The following EML6 variants were observed in gnomAD, a reference collection of about 807,000 sequenced individuals.
The protein encoded by EML6 is EMAP like 6, also known as echinoderm microtubule-associated protein-like 6.
In EML6, 154 loss-of-function variants were observed where a neutral mutation model predicts 240.1. The ratio of observed to expected loss-of-function variants is 0.64; its 90% CI spans 0.56 to 0.73. EML6 has a LOEUF of 0.73. Ranked by LOEUF, EML6 falls within the 30% of genes least tolerant of loss-of-function variation. EML6 has a pLI of 0.00. For missense variants in EML6, 2,964 were observed against 2,474.6 expected (o/e 1.20, Z -4.20); for synonymous variants, 1,148 against 899.0 (o/e 1.28, Z -4.95).
chr2:54,960,209 A>C lies in EML6; in HGVS notation c.4854-11A>C. The C allele has an allele frequency of 6.5e-7, 1 of 1,543,226 alleles. No individual in the cohort carries two copies. The highest frequency in any genetic ancestry group is 8.8e-7 in the Non-Finnish European group (1 of 1,139,488). ...GGGTTAACAGCCTGAGTCCCTTTCA[A>C]TCTTTTTTAGGACCAAAGAAGGAGG... On this transcript the variant is annotated splice_polypyrimidine_tract_variant and intron_variant, in intron 34 of 41. Transcript: ENST00000356458.
Position 54,930,110 on chromosome 2 carries a change from T to C in EML6, c.4004+1359T>C, listed in dbSNP as rs528797809. On this transcript the variant is annotated intron_variant, in intron 28 of 41. Transcript: ENST00000356458. ...TTGGAAAAAAAAAAATTACCCAGCCTTTCTAGTTTCATTTCTAGTTTCACA... is the reference window on the plus strand; with the variant it reads ...TTGGAAAAAAAAAAATTACCCAGCCCTTCTAGTTTCATTTCTAGTTTCACA... 3.1e-4 allele frequency among the ~76,000 whole-genome samples: 47 copies of C among 152,300 alleles called. No individual in the cohort carries two copies. The South Asian group carries it at 8.7e-3, about 28-fold the overall frequency.
chr2:54,945,015 T>G, intron 28 of EML6, among the ~76,000 whole-genome samples: 1 of 85,858 alleles, frequency 1.2e-5, no homozygotes, highest in South Asian at 5.0e-4. Context: ...CATTCCTCCC[T>G]ACCCCCCTCC....
chr2:54,739,413 G>A (rs1201002748), intron 2 of EML6, among the ~76,000 whole-genome samples: 1 of 152,236 alleles, frequency 6.6e-6, no homozygotes, highest in Admixed American at 6.5e-5. Context: ...TGTGTTACAA[G>A]TTAGTGAAAA....
intron 2 of EML6, among the ~76,000 whole-genome samples, chr2:54,728,749 A>C (rs986306850): frequency 6.6e-6 from 1 of 152,126 alleles, no homozygotes; most frequent in African/African-American, 2.4e-5. Context: ...ACACACACAC[A>C]CCCCCAGAAC....
intron 2 of EML6, among the ~76,000 whole-genome samples, chr2:54,795,415 A>C (rs1669706159): frequency 6.6e-6 from 1 of 152,148 alleles, no homozygotes. Flanking sequence ...GTTACCCCCC[A>C]CCAGGCCCCT....
intron 41 of EML6, 137 bp downstream of exon 41, chr2:54,968,905 G>C: frequency 1.7e-6 from 1 of 593,420 alleles, no homozygotes; most frequent in Non-Finnish European, 3.0e-6. Flanking sequence ...GAAATTCCAT[G>C]AGTCCTCATG....
intron 28 of EML6, among the ~76,000 whole-genome samples, chr2:54,944,053 T>C (rs909418443): frequency 2.6e-5 from 4 of 152,274 alleles, no homozygotes; most frequent in Middle Eastern, 3.4e-3. Flanking sequence ...TCCAGCCCCT[T>C]ACATGCTGTT....
chr2:54,937,061 C>T (rs1483157191), intron 28 of EML6, among the ~76,000 whole-genome samples: 2 of 151,012 alleles, frequency 1.3e-5, no homozygotes, highest in Non-Finnish European at 2.9e-5. Context: ...GGGTGGATCA[C>T]CAGAGGTCAG....
chr2:54,824,080 T>G (rs571665633), intron 5 of EML6, among the ~76,000 whole-genome samples: 2 of 152,146 alleles, frequency 1.3e-5, no homozygotes, highest in African/African-American at 4.8e-5. Flanking sequence ...GAAATTTCTT[T>G]AGTGAACTAC....
intron 38 of EML6, 118 bp from the exon 39 acceptor site, chr2:54,966,882 T>G: frequency 1.6e-6 from 1 of 620,374 alleles, no homozygotes; most frequent in Non-Finnish European, 2.9e-6. Context: ...TGAGCTTGGG[T>G]TTGGAGAAAA....
Position 54,847,597 on chromosome 2 carries a change from C to G in EML6, c.1161C>G (p.Asp387Glu), listed in dbSNP as rs553753088. The G allele has an allele frequency of 1.9e-6, 3 of 1,552,128 alleles. No homozygotes were observed. In the Admixed American group the frequency reaches 5.9e-5, roughly 30 times the overall value. The change falls in exon 9 of 42, where the codon GAC becomes GAG. Residue 387 changes from aspartate (D) to glutamate (E), a missense_variant. Physicochemically the swap from Asp to Glu is conservative, Grantham distance 45. Transcript: ENST00000356458. ...CTCAGCTGGCCCTGGGCATGAAGGA[C>G]GGCTCTTTCATTGTTCTCCGAGTCA... ...DGSQLALGMK[D>E]GSFIVLRVRD...
chr2:54,915,004 C>T (rs1488323508), intron 25 of EML6, among the ~76,000 whole-genome samples: 1 of 152,148 alleles, frequency 6.6e-6, no homozygotes, highest in Non-Finnish European at 1.5e-5. Flanking sequence ...GTCTGTGGGC[C>T]TCAGTTGCTT....
At chr2:54,775,672 T>G (rs1668568706) in intron 2 of EML6, among the ~76,000 whole-genome samples, 1 of 152,178 alleles carries the variant, frequency 6.6e-6, no homozygotes, top group Admixed American at 6.5e-5. Flanking sequence ...TTTTTGCTTA[T>G]TGCTATATCC....
chr2:54,813,872 C>G (rs985356531), intron 3 of EML6, among the ~76,000 whole-genome samples: 2 of 152,254 alleles, frequency 1.3e-5, no homozygotes, highest in African/African-American at 4.8e-5. Flanking sequence ...TACCTGTCCT[C>G]TCCCAATTCA....
At chr2:54,886,871 G>A (rs1672174260) in intron 17 of EML6, among the ~76,000 whole-genome samples, 1 of 152,092 alleles carries the variant, frequency 6.6e-6, no homozygotes, top group African/African-American at 2.4e-5. Context: ...TGCTTTATAG[G>A]TACTTCCTGT....
intron 2 of EML6, among the ~76,000 whole-genome samples, chr2:54,806,341 G>T (rs527256094): frequency 1.6e-4 from 24 of 152,058 alleles, no homozygotes; most frequent in Non-Finnish European, 3.4e-4. Flanking sequence ...GGCCGGGCGC[G>T]GTGGCTCACA....
chr2:54,735,664 A>C (rs1683355491), intron 2 of EML6, among the ~76,000 whole-genome samples: 1 of 152,256 alleles, frequency 6.6e-6, no homozygotes, highest in Non-Finnish European at 1.5e-5. Flanking sequence ...CTTACAATGA[A>C]TGAGACATTC....
intron 2 of EML6, among the ~76,000 whole-genome samples, chr2:54,770,797 G>C (rs929448590): frequency 7.9e-5 from 12 of 152,056 alleles, no homozygotes; most frequent in Admixed American, 2.0e-4. Flanking sequence ...CGCTTTTCCA[G>C]CTTCTCCCCA....
chr2:54,937,737 C>T (rs1481650710), intron 28 of EML6, among the ~76,000 whole-genome samples: 1 of 151,928 alleles, frequency 6.6e-6, no homozygotes, highest in African/African-American at 2.4e-5. Context: ...GCTGTTTTAC[C>T]TGGGTAGATG....
Sources: gnomAD v4.1 joint callset for allele counts (sites outside exome capture counted in the v4.1 genomes callset) on GRCh38, gnomAD v4.1.1 for gene constraint, MANE v1.5 for transcripts, NCBI Gene and HGNC (gene_info 2026-07-23, HGNC 2026-07-21) for gene names.